The following ZNF385D variants were observed in gnomAD, a reference collection of about 807,000 sequenced individuals.
ZNF385D encodes the protein zinc finger protein 385D.
Under a neutral mutation model 35.8 loss-of-function variants are expected in ZNF385D, and 15 were observed. The ratio of observed to expected loss-of-function variants is 0.42; its 90% CI spans 0.28 to 0.64. The LOEUF (loss-of-function observed/expected upper bound fraction) is 0.64, where lower values mean the gene tolerates loss of function less well. Among genes scored for constraint, ZNF385D ranks in the 30% least tolerant of loss-of-function variants. The probability of loss-of-function intolerance (pLI) is 0.23; values close to 1 mark genes in which losing one functional copy is unlikely to be tolerated. For missense variants in ZNF385D, 474 were observed against 494.6 expected, an observed-to-expected ratio of 0.96 and a Z score of 0.39; for synonymous variants, 212 against 186.8, an observed-to-expected ratio of 1.13 and a Z score of -1.10.
At chr3:21,988,604 G>A (rs1020177455) in intron 3 of ZNF385D, among the ~76,000 whole-genome samples, 7 of 151,006 alleles carry the variant, frequency 4.6e-5, no homozygotes, top group Non-Finnish European at 1.0e-4. Context: ...AGTCTGCAGA[G>A]GTTACTGCTG....
chr3:21,967,133 T>G (rs1357439623), intron 3 of ZNF385D, among the ~76,000 whole-genome samples: 1 of 152,232 alleles, frequency 6.6e-6, no homozygotes, highest in Non-Finnish European at 1.5e-5. Context: ...GTGGGTATTG[T>G]AAAATATATA....
intron 3 of ZNF385D, among the ~76,000 whole-genome samples, chr3:21,831,340 C>T (rs1036650934): frequency 6.6e-6 from 1 of 152,068 alleles, no homozygotes; most frequent in East Asian, 1.9e-4. Context: ...AAAATATATA[C>T]AAAGTATTGT....
At chr3:21,785,847 G>A (rs2071667967) in intron 3 of ZNF385D, among the ~76,000 whole-genome samples, 1 of 152,102 alleles carries the variant, frequency 6.6e-6, no homozygotes, top group African/African-American at 2.4e-5. Flanking sequence ...TTGACTAACT[G>A]TACTGAATGT....
chr3:22,281,720 T>A (rs1701751042), intron 2 of ZNF385D, among the ~76,000 whole-genome samples: 1 of 152,060 alleles, frequency 6.6e-6, no homozygotes, highest in Admixed American at 6.6e-5. Flanking sequence ...GTTATGTCAT[T>A]TCCTGGTTTT....
chr3:21,802,504 C>T (rs575006393), intron 3 of ZNF385D, among the ~76,000 whole-genome samples: 1 of 152,142 alleles, frequency 6.6e-6, no homozygotes, highest in East Asian at 1.9e-4. Context: ...GAACCAGTAC[C>T]TTATCTTGCA....
At chr3:21,700,091 C>T (rs1271211460) in intron 1 of ZNF385D, among the ~76,000 whole-genome samples, 2 of 152,142 alleles carry the variant, frequency 1.3e-5, no homozygotes, top group African/African-American at 2.4e-5. Context: ...TGACCTCAGC[C>T]TCTCAAAATG....
chr3:22,322,286 G>T (rs1330803826), intron 2 of ZNF385D, among the ~76,000 whole-genome samples: 2 of 152,108 alleles, frequency 1.3e-5, no homozygotes, highest in Non-Finnish European at 2.9e-5. Context: ...AGAGGGACAT[G>T]GATGATATAT....
At chr3:21,850,059 A>T (rs986265134) in intron 3 of ZNF385D, among the ~76,000 whole-genome samples, 2 of 152,082 alleles carry the variant, frequency 1.3e-5, no homozygotes, top group Non-Finnish European at 2.9e-5. Context: ...TTGTTTATTG[A>T]GTTTAAATAG....
At chr3:22,234,495 C>T (rs533713115) in intron 2 of ZNF385D, among the ~76,000 whole-genome samples, 125 of 150,186 alleles carry the variant, frequency 8.3e-4, no homozygotes, top group African/African-American at 2.1e-3. Context: ...TTTTTTTTTT[C>T]GTTCCTGAAC....
chr3:21,558,408 A>G (rs2125625255), intron 3 of ZNF385D, among the ~76,000 whole-genome samples: 1 of 151,910 alleles, frequency 6.6e-6, no homozygotes, highest in South Asian at 2.1e-4. Context: ...TCATTTCGTT[A>G]TTCACCCGGT....
At chr3:21,941,901 G>A (rs1273017895) in intron 3 of ZNF385D, among the ~76,000 whole-genome samples, 1 of 152,044 alleles carries the variant, frequency 6.6e-6, no homozygotes, top group African/African-American at 2.4e-5. Flanking sequence ...TAGAAAAATT[G>A]TTCTTCCTCA....
At chr3:22,371,197 G>C (rs1422390195) in intron 2 of ZNF385D, among the ~76,000 whole-genome samples, 1 of 152,112 alleles carries the variant, frequency 6.6e-6, no homozygotes, top group African/African-American at 2.4e-5. Flanking sequence ...CCAACGAGTG[G>C]CACGACAACC....
chr3:22,328,088 C>T (rs748460871), intron 2 of ZNF385D, among the ~76,000 whole-genome samples: 9 of 151,894 alleles, frequency 5.9e-5, no homozygotes, highest in Non-Finnish European at 1.0e-4. Flanking sequence ...TTCTTTTTGT[C>T]TGATGATTTC....
intron 3 of ZNF385D, among the ~76,000 whole-genome samples, chr3:21,998,675 T>G (rs1695641137): frequency 6.6e-6 from 1 of 152,264 alleles, no homozygotes; most frequent in South Asian, 2.1e-4. Context: ...CCTATGTTAA[T>G]AAACAAGAAC....
chr3:22,082,618 G>A (rs1271038664), intron 3 of ZNF385D, among the ~76,000 whole-genome samples: 1 of 152,182 alleles, frequency 6.6e-6, no homozygotes, highest in Non-Finnish European at 1.5e-5. Context: ...CCACCTCTAG[G>A]GGCAGGGCAT....
intron 3 of ZNF385D, among the ~76,000 whole-genome samples, chr3:21,990,383 T>C (rs1695083812): frequency 6.6e-6 from 1 of 152,204 alleles, no homozygotes; most frequent in Non-Finnish European, 1.5e-5. Context: ...CCATTTTCTA[T>C]CTTACCAGGC....
At chr3:22,357,488 T>C (rs1696208299) in intron 2 of ZNF385D, among the ~76,000 whole-genome samples, 1 of 151,930 alleles carries the variant, frequency 6.6e-6, no homozygotes, top group South Asian at 2.1e-4. Context: ...TATAAATTCT[T>C]GGAAGCATAC....
chr3:22,224,125 C>T (rs1352703064), intron 2 of ZNF385D, among the ~76,000 whole-genome samples: 1 of 151,530 alleles, frequency 6.6e-6, no homozygotes, highest in South Asian at 2.1e-4. Context: ...TGAATTTGAC[C>T]CTCAAAAGAA....
intron 3 of ZNF385D, among the ~76,000 whole-genome samples, chr3:21,970,784 A>T (rs1703201070): frequency 1.3e-5 from 2 of 152,100 alleles, no homozygotes; most frequent in Non-Finnish European, 2.9e-5. Flanking sequence ...ACTCCTAAAG[A>T]CAAACATAAA....
Sources: allele counts gnomAD v4.1 joint callset (sites outside exome capture counted in the v4.1 genomes callset), GRCh38; gene constraint gnomAD v4.1.1; transcripts MANE v1.5; gene names NCBI Gene and HGNC (gene_info 2026-07-23, HGNC 2026-07-21).